Variants in MACROD2 observed in about 807,000 individuals in gnomAD.
The protein encoded by MACROD2 is mono-ADP ribosylhydrolase 2.
MACROD2 carries 36 observed loss-of-function variants against 70.4 expected under a neutral mutation model. The observed-to-expected ratio is 0.51, with a 90% confidence interval of 0.39 to 0.68. The LOEUF (loss-of-function observed/expected upper bound fraction) is 0.68. Ranked by LOEUF, MACROD2 falls within the 30% of genes least tolerant of loss-of-function variation. The pLI is 0.00. For missense variants in MACROD2, 496 were observed against 538.4 expected, an observed-to-expected ratio of 0.92 and a Z score of 0.78; for synonymous variants, 172 against 178.8, an observed-to-expected ratio of 0.96 and a Z score of 0.30.
chr20:14,653,319 C>G (rs1319379734), intron 4 of MACROD2, among the ~76,000 whole-genome samples: 2 of 151,334 alleles, frequency 1.3e-5, no homozygotes, highest in Non-Finnish European at 2.9e-5. Flanking sequence ...CCCGGGTTCA[C>G]GCCATTCTCC....
At chr20:14,235,783 C>G (rs76753847) in intron 3 of MACROD2, among the ~76,000 whole-genome samples, 5 of 152,046 alleles carry the variant, frequency 3.3e-5, no homozygotes, top group African/African-American at 4.8e-5. Context: ...CTGGGACATT[C>G]GCACTCCATT....
intron 9 of MACROD2, among the ~76,000 whole-genome samples, chr20:15,869,234 TATATAGAG>T (rs1212904674): frequency 0.02 from 626 of 31,668 alleles, 6 homozygotes; most frequent in African/African-American, 0.032. Flanking sequence ...TATATATATA[TATATAGAG>T]AGAGAGAGAG....
intron 5 of MACROD2, among the ~76,000 whole-genome samples, chr20:15,181,990 A>T (rs1031585412): frequency 1.6e-4 from 23 of 144,612 alleles, no homozygotes; most frequent in African/African-American, 5.9e-4. Flanking sequence ...AAAAAAACTT[A>T]TGACAAAATA....
intron 4 of MACROD2, among the ~76,000 whole-genome samples, chr20:14,666,385 G>A (rs1174468229): frequency 1.3e-5 from 2 of 152,182 alleles, no homozygotes; most frequent in East Asian, 3.9e-4. Flanking sequence ...ATTCTTAGCA[G>A]GGAAGTTTCC....
At chr20:14,975,336 T>C (rs1334434805) in intron 5 of MACROD2, among the ~76,000 whole-genome samples, 1 of 152,046 alleles carries the variant, frequency 6.6e-6, no homozygotes, top group African/African-American at 2.4e-5. Flanking sequence ...CCACAGTGCG[T>C]ATCCATAGAA....
chr20:15,870,325 T>C (rs898773111), intron 9 of MACROD2, among the ~76,000 whole-genome samples: 2 of 151,916 alleles, frequency 1.3e-5, no homozygotes, highest in South Asian at 2.1e-4. Flanking sequence ...ACAGAAATTA[T>C]TCCTAATATT....
chr20:15,230,192 G>A lies in MACROD2; in HGVS notation c.540+131G>A, dbSNP rs754875575. 401 of 763,130 alleles carry A rather than the reference G, an allele frequency of 5.3e-4. 1 individual carries two copies. The highest frequency in any genetic ancestry group is 7.0e-4 in the Non-Finnish European group (364 of 519,878). The allele number at this position is 763,130 out of a possible 1,614,324, so 47.3% of individuals were successfully genotyped here. A position where few individuals can be genotyped will look rare whatever the true frequency, so the allele number is the denominator to read the frequency against. ...ACTAAGTTTAAGGATCTTAGTAGCC[G>A]ATTTGGTTATCATGACTCTAATCTT... On this transcript the variant is annotated intron_variant, in intron 6 of 17. Coordinates refer to ENST00000684519, the MANE Select transcript of MACROD2 (RefSeq NM_001351661.2).
intron 10 of MACROD2, among the ~76,000 whole-genome samples, chr20:15,919,635 C>T (rs1297694354): frequency 1.3e-5 from 2 of 151,724 alleles, no homozygotes; most frequent in South Asian, 2.1e-4. Flanking sequence ...CTCGGGAGGC[C>T]GAGGCAGGAG....
intron 4 of MACROD2, among the ~76,000 whole-genome samples, chr20:14,641,575 G>C (rs977256080): frequency 6.6e-6 from 1 of 152,130 alleles, no homozygotes. Flanking sequence ...AGTCAAAATT[G>C]CTCCTTGATT....
intron 3 of MACROD2, among the ~76,000 whole-genome samples, chr20:14,284,583 A>T (rs985458799): frequency 7.9e-5 from 12 of 152,228 alleles, no homozygotes; most frequent in Admixed American, 6.5e-4. Flanking sequence ...TCTCATTAAG[A>T]TGGGTTGCCA....
intron 4 of MACROD2, among the ~76,000 whole-genome samples, chr20:14,669,317 G>A (rs1453308252): frequency 1.3e-5 from 2 of 152,122 alleles, no homozygotes; most frequent in African/African-American, 4.8e-5. Flanking sequence ...TATGCGTCAA[G>A]ATTTTATATT....
At chr20:14,080,200 T>C (rs948746267) in intron 2 of MACROD2, among the ~76,000 whole-genome samples, 2 of 151,892 alleles carry the variant, frequency 1.3e-5, no homozygotes, top group Non-Finnish European at 2.9e-5. Context: ...TCCCAGCACT[T>C]TGGGAGGCCG....
intron 3 of MACROD2, among the ~76,000 whole-genome samples, chr20:14,291,595 G>A (rs1385603364): frequency 6.6e-6 from 1 of 151,826 alleles, no homozygotes; most frequent in Non-Finnish European, 1.5e-5. Flanking sequence ...TGAAACTGTG[G>A]CTCATGTTTT....
chr20:14,002,367 A>G lies in MACROD2; in HGVS notation c.126A>G (p.Ser42=), dbSNP rs751375376. Residue 42 remains serine (S), a synonymous_variant, in exon 2 of 18, where the codon TCA becomes TCG. Transcript: ENST00000684519. ...RDYIPLNSIL[S]WKEEMKGKGQ... ...ATATTCCCCTGAACAGCATTCTATC[A>G]TGGAAGGAGGAGATGAAGGGCAAGG... 19 of 1,608,542 alleles carry G rather than the reference A, an allele frequency of 1.2e-5. No homozygotes were observed. The East Asian group carries it at 2.0e-4, about 17-fold the overall frequency.
chr20:15,393,542 C>G (rs2045821080), intron 6 of MACROD2, among the ~76,000 whole-genome samples: 1 of 152,068 alleles, frequency 6.6e-6, no homozygotes, highest in Non-Finnish European at 1.5e-5. Context: ...TGCTTCTGCC[C>G]TCCCTTCACC....
chr20:15,914,137 C>T (rs1380316098), intron 10 of MACROD2, among the ~76,000 whole-genome samples: 1 of 152,168 alleles, frequency 6.6e-6, no homozygotes, highest in Admixed American at 6.5e-5. Context: ...CTATTAACCC[C>T]TTTCTTTTTC....
At chr20:14,268,564 G>C (rs1056419778) in intron 3 of MACROD2, among the ~76,000 whole-genome samples, 1 of 152,078 alleles carries the variant, frequency 6.6e-6, no homozygotes, top group Non-Finnish European at 1.5e-5. Flanking sequence ...TTCCATAGAT[G>C]ATGGTATATA....
chr20:15,695,191 G>T (rs1419348606), intron 8 of MACROD2, among the ~76,000 whole-genome samples: 2 of 151,910 alleles, frequency 1.3e-5, no homozygotes, highest in Non-Finnish European at 2.9e-5. Context: ...GTCTTACTTT[G>T]GCTATGCAGG....
intron 9 of MACROD2, among the ~76,000 whole-genome samples, chr20:15,882,109 A>G (rs1163420701): frequency 6.6e-6 from 1 of 152,142 alleles, no homozygotes; most frequent in Non-Finnish European, 1.5e-5. Flanking sequence ...CCAAAAGATA[A>G]CTTCCCCTTT....
Sources: gnomAD v4.1 joint callset for allele counts (sites outside exome capture counted in the v4.1 genomes callset) on GRCh38, gnomAD v4.1.1 for gene constraint, MANE v1.5 for transcripts, NCBI Gene and HGNC (gene_info 2026-07-23, HGNC 2026-07-21) for gene names.